Variants in ADGRG4 observed in about 807,000 individuals in gnomAD.
ADGRG4 encodes adhesion G protein-coupled receptor G4.
ADGRG4 carries 122 observed loss-of-function variants against 126.2 expected under a neutral mutation model. The ratio of observed to expected loss-of-function variants is 0.97; its 90% CI spans 0.83 to 1.12. The LOEUF (loss-of-function observed/expected upper bound fraction) is 1.12, where lower values mean the gene tolerates loss of function less well. Among genes scored for constraint, ADGRG4 ranks in the 50% most tolerant of loss-of-function variants. The pLI is 0.00. For missense variants in ADGRG4, 2,481 were observed against 2,251.8 expected (o/e 1.10, Z -2.06); for synonymous variants, 943 against 838.7 (o/e 1.12, Z -2.15).
rs372112259 is a variant in ADGRG4, at chrX:136,391,543, G to T, written c.7912-689G>T. On this transcript the variant is annotated intron_variant, in intron 16 of 25. Coordinates refer to ENST00000394143, the MANE Select transcript of ADGRG4 (RefSeq NM_153834.4). ...TAGGCACTGAGCCACTCAAGCCTCA[G>T]TTTATCTGAAAAATGCTTATATGGC... is the stretch of plus-strand genomic sequence containing the variant. Among the ~76,000 whole-genome samples, 38 of 112,601 alleles carry T rather than the reference G, an allele frequency of 3.4e-4. 1 individual carries two copies. In the East Asian group the frequency reaches 7.0e-3, roughly 21 times the overall value.
At position 136,399,927 on chromosome X, in the gene ADGRG4, A is replaced by AT; in HGVS notation, c.8387dup (p.Asn2797GlnfsTer56). 8.3e-7 allele frequency: 1 copy of AT among 1,210,288 alleles called. No individual in the cohort carries two copies. The highest frequency in any genetic ancestry group is 3.0e-5 in the East Asian group (1 of 33,834). On this transcript the variant is annotated frameshift_variant, in exon 21 of 26. Transcript: ENST00000394143. LOFTEE classifies it high-confidence loss of function. ...ACTGATGCTAAACCTGGTATTTTTG[A>AT]TCAATTCTTGGTTGTCATCATTTCA...
rs1457860589 is a variant in ADGRG4 at position 136,345,152 on chromosome X, T to C, written c.1446T>C (p.Ser482=). The change falls in exon 6 of 26, where the codon TCT becomes TCC. Residue 482 remains serine, a synonymous_variant. Transcript: ENST00000394143. ...VLISTAAPVD[S]VFPRNQTAFP... ...TCTCCACAGCTGCTCCAGTAGATTC[T>C]GTATTTCCTAGAAACCAGACAGCAT... 2 of 1,211,298 alleles carry C rather than the reference T, an allele frequency of 1.7e-6. No homozygotes were observed. The highest frequency in any genetic ancestry group is 2.2e-5 in the Admixed American group (1 of 45,984).
chrX:136,344,898 A>G lies in ADGRG4; in HGVS notation c.1192A>G (p.Thr398Ala), dbSNP rs1206719028. Residue 398 changes from threonine to alanine, a missense_variant, in exon 6 of 26, where the codon ACG (threonine) becomes GCG (alanine). Physicochemically the swap from Thr to Ala is moderately conservative, Grantham distance 58. Coordinates refer to ENST00000394143, the MANE Select transcript of ADGRG4 (RefSeq NM_153834.4). The part of the protein sequence containing the change: ...TSAIKSQSAV[T>A]KTTSLFSTIE... Reference sequence around the variant, plus strand: ...AGCAATTAAATCTCAGTCGGCTGTTACGAAGACAACATCTTTATTTTCAAC... The same window carrying G: ...AGCAATTAAATCTCAGTCGGCTGTTGCGAAGACAACATCTTTATTTTCAAC... The G allele has an allele frequency of 8.3e-7, 1 of 1,209,499 alleles. No individual in the cohort carries two copies. Among genetic ancestry groups the G allele is most frequent in the Non-Finnish European group, 1.1e-6 (1 of 894,351 alleles).
chrX:136,305,605 A>T (rs1052704743), intron 3 of ADGRG4, among the ~76,000 whole-genome samples: 3 of 112,465 alleles, frequency 2.7e-5, no homozygotes, highest in African/African-American at 9.7e-5. Context: ...GACTTGAAGA[A>T]TAAATGTCCA....
rs748614433 is a variant in ADGRG4, at chrX:136,344,445, A to G, written c.739A>G (p.Ile247Val). The G allele has an allele frequency of 2.8e-5, 33 of 1,185,824 alleles. No homozygotes were observed. The African/African-American group carries it at 4.2e-4, about 15-fold the overall frequency. The part of the protein sequence containing the change: ...QEKSTTVSQQ[I>V]DMTTPSQITG... Reference sequence around the variant, plus strand: ...AAAAAGTACAACTGTTTCACAACAGATAGATATGACCACTCCATCCCAAAT... The same window carrying G: ...AAAAAGTACAACTGTTTCACAACAGGTAGATATGACCACTCCATCCCAAAT... The change falls in exon 6 of 26, where the codon ATA (isoleucine) becomes GTA (valine). Residue 247 changes from isoleucine (I) to valine (V), a missense_variant. Ile to Val is a conservative substitution (Grantham distance 29, BLOSUM62 3). Transcript: ENST00000394143.
intron 21 of ADGRG4, 143 bp from the exon 22 acceptor site, chrX:136,403,101 C>A: frequency 2.2e-6 from 1 of 446,423 alleles, no homozygotes; most frequent in Admixed American, 3.5e-5. Flanking sequence ...AATTCACAAA[C>A]ATTTTGCAAA....
At chrX:136,354,274 GC>G (rs2075080364) in intron 8 of ADGRG4, among the ~76,000 whole-genome samples, 1 of 111,680 alleles carries the variant, frequency 9.0e-6, no homozygotes, top group Non-Finnish European at 1.9e-5. Flanking sequence ...GGTGGCTTAA[GC>G]CACAGAAATT....
chrX:136,383,881 C>CCTTTCCT (rs767666400), intron 15 of ADGRG4, among the ~76,000 whole-genome samples: 14 of 52,479 alleles, frequency 2.7e-4, no homozygotes, highest in African/African-American at 5.0e-4. Context: ...TTTCTTCTTT[C>CCTTTCCT]TTCCTTTCCT....
rs768672646 is a variant in ADGRG4, at chrX:136,345,909, T to C, written c.2203T>C (p.Trp735Arg). 4 of 1,208,371 alleles carry C rather than the reference T, an allele frequency of 3.3e-6. No homozygotes were observed. Among genetic ancestry groups the C allele is most frequent in the Non-Finnish European group, 4.5e-6 (4 of 893,691 alleles). The change falls in exon 6 of 26, where the codon TGG becomes CGG. Residue 735 changes from tryptophan to arginine, a missense_variant. By Grantham distance (101) the Trp-to-Arg change is moderately radical. Transcript: ENST00000394143. Reference sequence around the variant, plus strand: ...AGCTGTATCCAAATTGACATCACCATGGTTTGCTAATTTCTCCATAGTTTC... The same window carrying C: ...AGCTGTATCCAAATTGACATCACCACGGTTTGCTAATTTCTCCATAGTTTC... ...TTAVSKLTSP[W>R]FANFSIVSGT...
chrX:136,352,950 A>G (rs1283569956), intron 7 of ADGRG4, among the ~76,000 whole-genome samples: 1 of 111,604 alleles, frequency 9.0e-6, no homozygotes, highest in African/African-American at 3.3e-5. Context: ...TGGTTTGCAG[A>G]TGGCCATCTT....
intron 21 of ADGRG4, among the ~76,000 whole-genome samples, chrX:136,403,003 T>C (rs1164347747): frequency 8.9e-6 from 1 of 112,765 alleles, no homozygotes; most frequent in Non-Finnish European, 1.9e-5. Context: ...GAGCTATTTT[T>C]AATAACTAGT....
intron 5 of ADGRG4, among the ~76,000 whole-genome samples, chrX:136,327,348 A>G (rs2074879731): frequency 9.0e-6 from 1 of 110,643 alleles, no homozygotes; most frequent in Non-Finnish European, 1.9e-5. Flanking sequence ...GCACACCAAC[A>G]TGGCCCATGT....
intron 4 of ADGRG4, among the ~76,000 whole-genome samples, chrX:136,314,245 T>G (rs2074791671): frequency 9.0e-6 from 1 of 111,456 alleles, no homozygotes; most frequent in Non-Finnish European, 1.9e-5. Context: ...GAGTGATCCT[T>G]TAATATATCA....
Position 136,364,389 on chromosome X carries a change from C to T in ADGRG4, c.7396+794C>T, listed in dbSNP as rs1603296999. Among the ~76,000 whole-genome samples, 6 of 111,799 alleles carry T rather than the reference C, an allele frequency of 5.4e-5. No homozygotes were observed. The South Asian group carries it at 2.2e-3, about 42-fold the overall frequency. On this transcript the variant is annotated intron_variant, in intron 13 of 25. Coordinates refer to ENST00000394143, the MANE Select transcript of ADGRG4 (RefSeq NM_153834.4). ...CACAAAGTGGAGCATACTATACACA[C>T]TATTCTTTACGTTGCTTTTTTCTCT... is the stretch of plus-strand genomic sequence containing the variant.
chrX:136,301,465 T>C (rs2074699451), intron 1 of ADGRG4, among the ~76,000 whole-genome samples: 2 of 112,255 alleles, frequency 1.8e-5, no homozygotes, highest in South Asian at 3.7e-4. Context: ...TTGTTGGAGT[T>C]CTTTGTAGAT....
chrX:136,405,745 G>A lies in ADGRG4; in HGVS notation c.8708G>A (p.Cys2903Tyr). 3.4e-6 allele frequency: 4 copies of A among 1,185,836 alleles called. No homozygotes were observed. Among genetic ancestry groups the A allele is most frequent in the Non-Finnish European group, 4.5e-6 (4 of 879,918 alleles). ...TACATCTCAGTGGTGGCTTATTTTT[G>A]CCTCATATTTCTCATGAATCTCTCC... ...IFYISVVAYF[C>Y]LIFLMNLSMF... Residue 2903 changes from cysteine to tyrosine, a missense_variant, in exon 23 of 26, where the codon TGC (cysteine) becomes TAC (tyrosine). Physicochemically the swap from Cys to Tyr is radical, Grantham distance 194. Transcript: ENST00000394143.
At chrX:136,356,514 C>T (rs1438161354) in intron 9 of ADGRG4, among the ~76,000 whole-genome samples, 1 of 111,959 alleles carries the variant, frequency 8.9e-6, no homozygotes, top group Non-Finnish European at 1.9e-5. Flanking sequence ...ATAAATCCAC[C>T]CTCTATTTGT....
In ADGRG4 at chrX:136,322,676, A is replaced by ATAT. The variant is rs58798191; in HGVS notation, c.71-100_71-98dup. ...TTTGCACCAGTATTGACTCATAATT[A>ATAT]TATTGTATAACCCAGATTTGACTGT... On this transcript the variant is annotated intron_variant, in intron 4 of 25. Transcript: ENST00000394143. 4,351 of 700,651 alleles carry ATAT rather than the reference A, an allele frequency of 6.2e-3. 139 individuals carry two copies. In the African/African-American group the frequency reaches 0.086, roughly 14 times the overall value. The allele number at this position is 700,651 out of a possible 1,213,427, so 57.7% of individuals were successfully genotyped here.
chrX:136,380,950 T>C (rs1278741958), intron 15 of ADGRG4, among the ~76,000 whole-genome samples: 2 of 109,736 alleles, frequency 1.8e-5, no homozygotes, highest in African/African-American at 6.6e-5. Context: ...ACTCCTAGCT[T>C]CAAGCAATCC....
Sources: allele counts gnomAD v4.1 joint callset (sites outside exome capture counted in the v4.1 genomes callset), GRCh38; gene constraint gnomAD v4.1.1; transcripts MANE v1.5; gene names NCBI Gene and HGNC (gene_info 2026-07-23, HGNC 2026-07-21).